DSCAML1: variants seen among roughly 807,000 people sequenced by gnomAD.
The protein encoded by DSCAML1 is DS cell adhesion molecule like 1.
A neutral mutation model predicts 200.5 loss-of-function variants in DSCAML1; 38 were observed. The ratio of observed to expected loss-of-function variants is 0.19; its 90% CI spans 0.15 to 0.25. The LOEUF (loss-of-function observed/expected upper bound fraction) is 0.25. Ranked by LOEUF, DSCAML1 falls within the 10% of genes least tolerant of loss-of-function variation. The pLI is 1.00. For synonymous variants in DSCAML1, 1,215 were observed against 1,165.0 expected (o/e 1.04, Z -0.87); for missense variants, 2,223 against 2,858.8 (o/e 0.78, Z 5.07).
chr11:117,588,455 C>T (rs2051193019), intron 3 of DSCAML1, among the ~76,000 whole-genome samples: 1 of 152,172 alleles, frequency 6.6e-6, no homozygotes, highest in South Asian at 2.1e-4. Context: ...GGTAGCAGCT[C>T]CCAAACAAAG....
rs528870207 is a variant in DSCAML1, at chr11:117,702,670, T to C, written c.511+74121A>G. The stretch of plus-strand genomic sequence containing the variant: ...TGTTGCATGAATGAATGAAAACATA[T>C]TTAATACAACTTTTAAATAATGGTA... On this transcript the variant is annotated intron_variant, in intron 3 of 32. Transcript: ENST00000651296. Among the ~76,000 whole-genome samples the C allele has an allele frequency of 5.3e-5, 8 of 152,316 alleles. No individual in the cohort carries two copies. In the East Asian group the frequency reaches 1.5e-3, roughly 29 times the overall value.
intron 11 of DSCAML1, 101 bp from the exon 12 acceptor site, chr11:117,482,263 C>A: frequency 7.4e-7 from 1 of 1,358,914 alleles, no homozygotes; most frequent in East Asian, 2.5e-5. Context: ...CCCTCCTCCC[C>A]CAGGAGAGGC....
intron 3 of DSCAML1, among the ~76,000 whole-genome samples, chr11:117,685,946 GC>G (rs1424450953): frequency 6.6e-6 from 1 of 152,180 alleles, no homozygotes; most frequent in Admixed American, 6.5e-5. Flanking sequence ...AAGAGCTTGG[GC>G]CCCTGAAGAC....
intron 24 of DSCAML1, among the ~76,000 whole-genome samples, chr11:117,438,330 C>T (rs529944718): frequency 3.7e-4 from 56 of 152,028 alleles, no homozygotes; most frequent in Non-Finnish European, 7.2e-4. Context: ...GCGGGTCTGA[C>T]GCTGTCACTT....
rs554626936 is a variant in DSCAML1 at position 117,752,046 on chromosome 11, G to T, written c.511+24745C>A. Among the ~76,000 whole-genome samples the T allele has an allele frequency of 7.9e-5, 12 of 152,302 alleles. No homozygotes were observed. The East Asian group carries it at 9.6e-4, about 12-fold the overall frequency. The stretch of plus-strand genomic sequence containing the variant: ...ATTCACAAACCTCAGCTCTGTGTGT[G>T]TGTGTGTGTGTCACTTCAATGTTTC... On this transcript the variant is annotated intron_variant, in intron 3 of 32. Transcript: ENST00000651296.
chr11:117,512,649 C>CGT (rs1273514109), intron 8 of DSCAML1, among the ~76,000 whole-genome samples: 18 of 62,774 alleles, frequency 2.9e-4, no homozygotes, highest in South Asian at 6.2e-4. Context: ...TGTGTACACA[C>CGT]ACACACACAC....
intron 3 of DSCAML1, among the ~76,000 whole-genome samples, chr11:117,577,412 C>A (rs2050952128): frequency 9.4e-6 from 1 of 106,238 alleles, no homozygotes; most frequent in East Asian, 2.6e-4. Context: ...TCCCTCCCTC[C>A]TTTCCTCCTT....
Position 117,437,560 on chromosome 11 carries a change from C to A in DSCAML1, c.4433-151G>T. On this transcript the variant is annotated intron_variant, in intron 25 of 32. Transcript: ENST00000651296. The surrounding 1 kb of genome is among the most constrained non-coding windows in gnomAD (Gnocchi z 5.3). ...TTGGCACAGATGGGGTGGGGAAGCCCCAGGGCGCAGAGGAGGAAGAGGAGG... is the reference window on the plus strand; with the variant it reads ...TTGGCACAGATGGGGTGGGGAAGCCACAGGGCGCAGAGGAGGAAGAGGAGG... The A allele has an allele frequency of 9.9e-7, 1 of 1,007,472 alleles. No individual in the cohort carries two copies. 62.4% of individuals were successfully genotyped at this position (1,007,472 alleles called of 1,614,324 possible).
At position 117,516,573 on chromosome 11, in the gene DSCAML1, G is replaced by C; in HGVS notation, c.1677C>G (p.Leu559=). Residue 559 remains leucine (L), a synonymous_variant, in exon 8 of 33, where the codon CTC becomes CTG. Coordinates refer to ENST00000651296, the MANE Select transcript of DSCAML1 (RefSeq NM_020693.4). The surrounding 1 kb of genome is among the most constrained non-coding windows in gnomAD (Gnocchi z 5.7). Reference sequence around the variant, plus strand: ...TGCCCTTCTGCACGTCAGTCAGCTTGAGGGTCCCATTCTCAAACACCACCT... The same window carrying C: ...TGCCCTTCTGCACGTCAGTCAGCTTCAGGGTCCCATTCTCAAACACCACCT... ...HRQVVFENGT[L]KLTDVQKGMD... 1 of 1,614,100 alleles carries C rather than the reference G, an allele frequency of 6.2e-7. No homozygotes were observed. Among genetic ancestry groups the C allele is most frequent in the Non-Finnish European group, 8.5e-7 (1 of 1,180,036 alleles).
chr11:117,801,114 G>A (rs1013844167), upstream of DSCAML1: 5 of 152,124 alleles, frequency 3.3e-5, no homozygotes, highest in Non-Finnish European at 7.4e-5. Context: ...GAAAAAACAA[G>A]GATCTCCCTG....
chr11:117,783,520 T>C (rs1246330619), intron 1 of DSCAML1, among the ~76,000 whole-genome samples: 1 of 152,192 alleles, frequency 6.6e-6, no homozygotes, highest in African/African-American at 2.4e-5. Flanking sequence ...CCAGGCTCTG[T>C]GCCAGATCCA....
chr11:117,625,534 T>A (rs1468484800), intron 3 of DSCAML1, among the ~76,000 whole-genome samples: 1 of 152,136 alleles, frequency 6.6e-6, no homozygotes, highest in East Asian at 1.9e-4. Flanking sequence ...GTCCCAGTGG[T>A]GTGACCCAAC....
At chr11:117,565,973 G>A (rs755479083) in intron 3 of DSCAML1, among the ~76,000 whole-genome samples, 4 of 152,330 alleles carry the variant, frequency 2.6e-5, no homozygotes, top group South Asian at 2.1e-4. Context: ...TGTCATCTCC[G>A]TGACAAAGTG....
At chr11:117,561,022 C>T (rs1392044464) in intron 3 of DSCAML1, among the ~76,000 whole-genome samples, 2 of 152,172 alleles carry the variant, frequency 1.3e-5, no homozygotes, top group African/African-American at 4.8e-5. Flanking sequence ...CCCCTGGGCA[C>T]AGCCATTATT....
Position 117,503,815 on chromosome 11 carries a change from TG to T in DSCAML1, c.2359+29del, listed in dbSNP as rs1257693070. ...CCGGGGCTTGGCTGTGATTTGGGGG[TG>T]CTAGGGGGCGTGTGGGGACAGGACT... On this transcript the variant is annotated intron_variant, in intron 11 of 32. Coordinates refer to ENST00000651296, the MANE Select transcript of DSCAML1 (RefSeq NM_020693.4). The surrounding 1 kb of genome is among the most constrained non-coding windows in gnomAD (Gnocchi z 5.2). 1 of 1,600,324 alleles carries T rather than the reference TG, an allele frequency of 6.2e-7. No homozygotes were observed. The highest frequency in any genetic ancestry group is 8.5e-7 in the Non-Finnish European group (1 of 1,173,104).
chr11:117,713,285 T>C (rs774881506), intron 3 of DSCAML1, among the ~76,000 whole-genome samples: 9 of 152,136 alleles, frequency 5.9e-5, no homozygotes, highest in Non-Finnish European at 1.3e-4. Flanking sequence ...CCAGCTAATT[T>C]TTGTATTTTC....
chr11:117,527,856 G>C (rs1054942461), intron 4 of DSCAML1, among the ~76,000 whole-genome samples: 9 of 152,140 alleles, frequency 5.9e-5, no homozygotes, highest in Non-Finnish European at 1.2e-4. Context: ...TCCAGTGCTC[G>C]TCAGGGGCTG....
At chr11:117,811,865 C>G (rs2055764194) in intron 1 of DSCAML1, among the ~76,000 whole-genome samples, 1 of 152,202 alleles carries the variant, frequency 6.6e-6, no homozygotes, top group Non-Finnish European at 1.5e-5. Flanking sequence ...GCTACCCACT[C>G]CACATTACCT....
At chr11:117,464,180 AG>A (rs2048534178) in intron 17 of DSCAML1, among the ~76,000 whole-genome samples, 1 of 152,030 alleles carries the variant, frequency 6.6e-6, no homozygotes, top group Admixed American at 6.6e-5. Context: ...CTCAGACCCT[AG>A]CTTTGGGTTG....
Sources: gnomAD v4.1 joint callset for allele counts (sites outside exome capture counted in the v4.1 genomes callset) on GRCh38, gnomAD v4.1.1 for gene constraint, Gnocchi (gnomAD v3.1) non-coding constraint, MANE v1.5 for transcripts, NCBI Gene and HGNC (gene_info 2026-07-23, HGNC 2026-07-21) for gene names.